P4HA3: variants seen among roughly 807,000 people sequenced by gnomAD.
P4HA3 encodes prolyl 4-hydroxylase subunit alpha-3.
In P4HA3, 60 loss-of-function variants were observed where a neutral mutation model predicts 66.7. That is an observed-to-expected ratio of 0.90 (90% CI 0.73 to 1.12). The LOEUF (loss-of-function observed/expected upper bound fraction) is 1.12. Among genes scored for constraint, P4HA3 ranks in the 50% most tolerant of loss-of-function variants. The pLI, the probability that P4HA3 is intolerant of heterozygous loss-of-function variation, is 0.00. For missense variants in P4HA3, 683 were observed against 685.8 expected (o/e 1.00, Z 0.05); for synonymous variants, 263 against 274.6 (o/e 0.96, Z 0.42).
Position 74,269,713 on chromosome 11 carries a change from G to A in P4HA3, c.1406C>T (p.Ser469Leu), listed in dbSNP as rs748822351. 1.2e-5 allele frequency: 19 copies of A among 1,613,768 alleles called. No individual in the cohort carries two copies. The highest frequency in any genetic ancestry group is 5.0e-5 in the Admixed American group (3 of 59,988). ...GGCTGTGGCTCCTCCAGCTTCCACC[G>A]AGCTCAGCTACAAGACCAGAGGAAG... ...RVATFMIYLSSVEAGGATAFI... is the reference protein window; with the variant it reads ...RVATFMIYLSLVEAGGATAFI... The change falls in exon 11 of 13, where the codon TCG becomes TTG. Residue 469 changes from serine to leucine, a missense_variant. Transcript: ENST00000331597.
chr11:74,282,895 TG>T (rs148990397), intron 7 of P4HA3, among the ~76,000 whole-genome samples: 9,809 of 152,066 alleles, frequency 0.065, 532 homozygotes, highest in Non-Finnish European at 0.084. Context: ...AAAAGTGCTC[TG>T]AAAAAGAACC....
rs763354630 is a variant in P4HA3 at position 74,267,165 on chromosome 11, C to T, written c.*83G>A. The stretch of plus-strand genomic sequence containing the variant: ...GGCCTTCTTCCAGGAGGCTGCTCTG[C>T]TTTCTCCTCTCCTACCCCAGCTTTT... On this transcript the variant is annotated 3_prime_UTR_variant, in exon 13 of 13. Transcript: ENST00000331597. The T allele has an allele frequency of 3.7e-6, 6 of 1,600,586 alleles. No homozygotes were observed. The highest frequency in any genetic ancestry group is 5.1e-6 in the Non-Finnish European group (6 of 1,174,932).
chr11:74,310,978 T>A lies in P4HA3; in HGVS notation c.200+434A>T, dbSNP rs1861721528. Among the ~76,000 whole-genome samples the A allele has an allele frequency of 2.0e-5, 3 of 152,322 alleles. No homozygotes were observed. The South Asian group carries it at 6.2e-4, about 32-fold the overall frequency. ...GTGTCTCTGTCACAGCACCGTCCAC[T>A]GTGTCTGTGTCAGTGTGACACAGGG... On this transcript the variant is annotated intron_variant, in intron 1 of 12. Coordinates refer to ENST00000331597, the MANE Select transcript of P4HA3 (RefSeq NM_182904.5).
chr11:74,311,222 T>G, intron 1 of P4HA3, 190 bp downstream of exon 1: 1 of 645,276 alleles, frequency 1.5e-6, no homozygotes, highest in Non-Finnish European at 2.4e-6. Flanking sequence ...GTCTAGGGGG[T>G]CACACTGGCC....
Position 74,311,427 on chromosome 11 carries a change from A to G in P4HA3, c.185T>C (p.Leu62Pro), listed in dbSNP as rs1467116332. 14 of 1,530,404 alleles carry G rather than the reference A, an allele frequency of 9.1e-6. No homozygotes were observed. Among genetic ancestry groups the G allele is most frequent in the Non-Finnish European group, 1.1e-5 (13 of 1,146,170 alleles). 94.8% of individuals were successfully genotyped at this position (1,530,404 alleles called of 1,614,324 possible). A position where few individuals can be genotyped will look rare whatever the true frequency, so the allele number is the denominator to read the frequency against. ...RRYLRGEEAR[L>P]RDLTRFYDKV... ...GTGCCCTCACCTAGTCAGGTCCCGC[A>G]GCCGCGCCTCCTCCCCGCGCAGGTA... Residue 62 changes from leucine (L) to proline (P), a missense_variant, in exon 1 of 13, where the codon CTG (leucine) becomes CCG (proline). Transcript: ENST00000331597.
chr11:74,301,117 C>T (rs61902369), intron 3 of P4HA3, among the ~76,000 whole-genome samples: 1 of 151,834 alleles, frequency 6.6e-6, no homozygotes, highest in Admixed American at 6.6e-5. Context: ...GGGGTTTTAG[C>T]TGTATGTAAC....
Position 74,286,324 on chromosome 11 carries a change from G to C in P4HA3, c.837C>G (p.Asn279Lys). Residue 279 changes from asparagine (N) to lysine (K), a missense_variant, in exon 6 of 13, where the codon AAC (asparagine) becomes AAG (lysine). Transcript: ENST00000331597. ...KYERLLAESP[N>K]HVVAEAVIQR... ...GGATGACAGCCTCAGCTACCACGTG[G>C]TTGGGGCTCTCTGCCAAGAGCCTTT... The C allele has an allele frequency of 6.2e-7, 1 of 1,606,834 alleles. No individual in the cohort carries two copies. The highest frequency in any genetic ancestry group is 1.1e-5 in the South Asian group (1 of 89,630).
At chr11:74,252,007 G>T in intron 15 of P4HA3, 2 of 609,056 alleles carry the variant, frequency 3.3e-6, no homozygotes, top group Non-Finnish European at 6.2e-6. Flanking sequence ...GAGGAGGCTG[G>T]GATAGGAATC....
intron 4 of P4HA3, among the ~76,000 whole-genome samples, chr11:74,297,544 C>A (rs759657476): frequency 9.9e-5 from 15 of 152,160 alleles, no homozygotes; most frequent in Non-Finnish European, 2.2e-4. Flanking sequence ...TATACAAAAG[C>A]TATACCTTAC....
At chr11:74,286,451 G>C in intron 5 of P4HA3, 60 bp from the exon 6 acceptor site, 1 of 1,444,484 alleles carries the variant, frequency 6.9e-7, no homozygotes. Context: ...GCCCCAGGGA[G>C]TGCCACCAAG....
intron 9 of P4HA3, among the ~76,000 whole-genome samples, chr11:74,274,001 T>TC (rs1565406607): frequency 6.6e-6 from 1 of 151,970 alleles, no homozygotes; most frequent in Admixed American, 6.6e-5. Flanking sequence ...AGAGACATAC[T>TC]CTTTTTTTTT....
intron 5 of P4HA3, among the ~76,000 whole-genome samples, chr11:74,288,586 CCT>C (rs757281351): frequency 5.3e-5 from 8 of 152,112 alleles, no homozygotes; most frequent in Non-Finnish European, 8.8e-5. Context: ...AAAATTTCCC[CCT>C]GATGCATTGA....
downstream of P4HA3, among the ~76,000 whole-genome samples, chr11:74,262,631 A>T (rs914224620): frequency 6.6e-6 from 1 of 152,170 alleles, no homozygotes; most frequent in Admixed American, 6.5e-5. Flanking sequence ...TGTGAATATG[A>T]TACAGGAGAG....
chr11:74,304,666 T>G (rs763423247), intron 1 of P4HA3, among the ~76,000 whole-genome samples: 2 of 152,164 alleles, frequency 1.3e-5, no homozygotes, highest in Non-Finnish European at 2.9e-5. Flanking sequence ...TCAGGCACCA[T>G]GCTAGAGATA....
rs1591130041 is a variant in P4HA3 at position 74,298,285 on chromosome 11, T to C, written c.644A>G (p.Tyr215Cys). The C allele has an allele frequency of 6.2e-7, 1 of 1,614,072 alleles. No homozygotes were observed. The highest frequency in any genetic ancestry group is 2.2e-5 in the East Asian group (1 of 44,864). Residue 215 changes from tyrosine to cysteine, a missense_variant, in exon 4 of 13, where the codon TAC (tyrosine) becomes TGC (cysteine). Transcript: ENST00000331597. Reference protein sequence around the residue: ...EEAVSLFRGSYGEWKTEDEAS... With the variant: ...EEAVSLFRGSCGEWKTEDEAS... ...CTCATCCTCTGTCTTCCACTCTCCG[T>C]AAGATCCTCGGAAGAGACTGACAGC...
chr11:74,303,613 C>G lies in P4HA3; in HGVS notation c.343+657G>C, dbSNP rs182226931. On this transcript the variant is annotated intron_variant, in intron 2 of 12. Coordinates refer to ENST00000331597, the MANE Select transcript of P4HA3 (RefSeq NM_182904.5). ...TTTTTTTTTTTGAGACAAAGTCTCG[C>G]TCTGTCACCCCAGGCTGGAGTGCAG... is the stretch of plus-strand genomic sequence containing the variant. Among the ~76,000 whole-genome samples the G allele has an allele frequency of 5.1e-3, 761 of 150,358 alleles. 8 individuals are homozygous for G. Among genetic ancestry groups the G allele is most frequent in the African/African-American group, 0.018 (735 of 40,846 alleles).
intron 15 of P4HA3, chr11:74,253,456 A>G (rs920125594): frequency 3.1e-6 from 5 of 1,588,080 alleles, no homozygotes; most frequent in East Asian, 4.5e-5. Context: ...ATTGATAGTT[A>G]CATTTGTTTT....
In P4HA3 at chr11:74,286,408, C is replaced by A. The variant is rs975074700; in HGVS notation, c.770-17G>T. ...TATCTGGGCCTGGAAGAAATCAGAG[C>A]AGGGAATATAAAATAGGGATTAACA... On this transcript the variant is annotated splice_polypyrimidine_tract_variant and intron_variant, in intron 5 of 12. Transcript: ENST00000331597. 6.6e-7 allele frequency: 1 copy of A among 1,514,126 alleles called. No individual in the cohort carries two copies. The highest frequency in any genetic ancestry group is 2.3e-5 in the East Asian group (1 of 43,162). 93.8% of individuals were successfully genotyped at this position (1,514,126 alleles called of 1,614,324 possible). A position where few individuals can be genotyped will look rare whatever the true frequency, so the allele number is the denominator to read the frequency against.
At chr11:74,267,347 G>A (rs769926196) in intron 12 of P4HA3, 29 bp from the exon 13 acceptor site, 3 of 1,611,686 alleles carry the variant, frequency 1.9e-6, no homozygotes, top group Non-Finnish European at 2.5e-6. Flanking sequence ...GAAGGAGACA[G>A]CAGGCTCAGC....
Sources: allele counts gnomAD v4.1 joint callset (sites outside exome capture counted in the v4.1 genomes callset), GRCh38; gene constraint gnomAD v4.1.1; transcripts MANE v1.5; gene names NCBI Gene and HGNC (gene_info 2026-07-23, HGNC 2026-07-21).